The following CCDC6 variants were observed in gnomAD, a reference collection of about 807,000 sequenced individuals.
CCDC6 encodes the protein coiled-coil domain containing 6, also known as coiled-coil domain-containing protein 6.
Under a neutral mutation model 56.6 loss-of-function variants are expected in CCDC6, and 20 were observed. That is an observed-to-expected ratio of 0.35 (90% confidence interval 0.25 to 0.51). The LOEUF (loss-of-function observed/expected upper bound fraction) is 0.51, where lower values mean the gene tolerates loss of function less well. Among genes scored for constraint, CCDC6 ranks in the 20% least tolerant of loss-of-function variants. CCDC6 has a pLI of 0.95. For synonymous variants in CCDC6, 241 were observed against 234.4 expected, an observed-to-expected ratio of 1.03 and a Z score of -0.26; for missense variants, 367 against 601.1, an observed-to-expected ratio of 0.61 and a Z score of 4.07.
At chr10:59,841,279 GCTT>G (rs1329291206) in intron 2 of CCDC6, among the ~76,000 whole-genome samples, 1 of 152,156 alleles carries the variant, frequency 6.6e-6, no homozygotes, top group Non-Finnish European at 1.5e-5. Context: ...TATTTGGCTA[GCTT>G]CTTCTCCCAG....
intron 2 of CCDC6, among the ~76,000 whole-genome samples, chr10:59,843,745 A>C (rs2070963613): frequency 6.6e-6 from 1 of 152,208 alleles, no homozygotes; most frequent in Non-Finnish European, 1.5e-5. Context: ...AAGCACCATA[A>C]GTCTGGGTTT....
intron 6 of CCDC6, chr10:59,806,714 T>G (rs1033703776): frequency 4.3e-6 from 2 of 467,824 alleles, no homozygotes; most frequent in Admixed American, 3.5e-5. Context: ...TTTAGAGAGG[T>G]GATTTTTTTC....
chr10:59,849,601 C>A (rs188990872), intron 2 of CCDC6, among the ~76,000 whole-genome samples: 4 of 152,250 alleles, frequency 2.6e-5, no homozygotes, highest in African/African-American at 9.6e-5. Context: ...GAAATAACAG[C>A]CAAAGCACTC....
At position 59,906,511 on chromosome 10, in the gene CCDC6, A is replaced by G; in HGVS notation, c.-87T>C. 1 of 1,182,334 alleles carries G rather than the reference A, an allele frequency of 8.5e-7. No homozygotes were observed. Among genetic ancestry groups the G allele is most frequent in the East Asian group, 3.0e-5 (1 of 33,844 alleles). 73.2% of individuals were successfully genotyped at this position (1,182,334 alleles called of 1,614,324 possible). A position where few individuals can be genotyped will look rare whatever the true frequency, so the allele number is the denominator to read the frequency against. The stretch of plus-strand genomic sequence containing the variant: ...GCTGCGAATGAGTGGGCGCCGGGCG[A>G]GCACAGGGGAGCGCCGAGCTGAGCG... On this transcript the variant is annotated 5_prime_UTR_variant, in exon 1 of 9. Transcript: ENST00000263102.
chr10:59,804,808 C>T (rs1297914961), intron 6 of CCDC6: 1 of 298,388 alleles, frequency 3.4e-6, no homozygotes, highest in African/African-American at 2.2e-5. Flanking sequence ...CCAGTTTTTC[C>T]TCCATCACAC....
intron 1 of CCDC6, among the ~76,000 whole-genome samples, chr10:59,858,963 C>T (rs376905530): frequency 3.9e-5 from 6 of 152,118 alleles, no homozygotes; most frequent in African/African-American, 1.4e-4. Context: ...CTATATGACC[C>T]TAGCAGAGTC....
At chr10:59,875,644 T>C (rs369586006) in intron 1 of CCDC6, among the ~76,000 whole-genome samples, 30 of 152,198 alleles carry the variant, frequency 2.0e-4, no homozygotes, top group African/African-American at 5.3e-4. Flanking sequence ...TTTAATTCTC[T>C]AGTTACAACA....
rs573291805 is a variant in CCDC6 at position 59,854,096 on chromosome 10, G to T, written c.304-1394C>A. ...GAGCCACATGAATTCCAGGCCTCCA[G>T]AACCTGTTATTTATAATATTCCAAG... On this transcript the variant is annotated intron_variant, in intron 1 of 8. Transcript: ENST00000263102. Among the ~76,000 whole-genome samples the T allele has an allele frequency of 1.1e-3, 172 of 152,184 alleles. 1 individual carries two copies. Among genetic ancestry groups the T allele is most frequent in the African/African-American group, 4.1e-3 (169 of 41,528 alleles).
chr10:59,826,293 C>T (rs149909115), intron 3 of CCDC6, among the ~76,000 whole-genome samples: 6 of 152,300 alleles, frequency 3.9e-5, no homozygotes, highest in South Asian at 2.1e-4. Flanking sequence ...GGCATCTTTA[C>T]TCTATATAGT....
chr10:59,864,617 T>C (rs1048758019), intron 1 of CCDC6, among the ~76,000 whole-genome samples: 1 of 152,154 alleles, frequency 6.6e-6, no homozygotes, highest in Non-Finnish European at 1.5e-5. Context: ...TAACAAACCA[T>C]GCCAAAACTT....
rs536454501 is a variant in CCDC6, at chr10:59,820,203, T to C, written c.583-5448A>G. 4.1e-4 allele frequency among the ~76,000 whole-genome samples: 62 copies of C among 152,290 alleles called. 1 individual carries two copies. The highest frequency in any genetic ancestry group is 1.4e-3 in the African/African-American group (60 of 41,562). ...ATGCTACCACAGTTCTTTCTTACTA[T>C]TGCATTTTTCCATTTAAAGAGGACT... On this transcript the variant is annotated intron_variant, in intron 3 of 8. Transcript: ENST00000263102.
At position 59,792,783 on chromosome 10, in the gene CCDC6, A is replaced by G. The variant is rs1003263128; in HGVS notation, c.*134T>C. On this transcript the variant is annotated 3_prime_UTR_variant, in exon 9 of 9. Transcript: ENST00000263102. ...CATTTCTGACAAACATTTACAACAC[A>G]ATGGATAGTGAAGCCTAGATAACCT... 8 of 929,632 alleles carry G rather than the reference A, an allele frequency of 8.6e-6. No individual in the cohort carries two copies. The highest frequency in any genetic ancestry group is 1.4e-5 in the Non-Finnish European group (8 of 563,730). 57.6% of individuals were successfully genotyped at this position (929,632 alleles called of 1,614,324 possible). A position where few individuals can be genotyped will look rare whatever the true frequency, so the allele number is the denominator to read the frequency against.
At chr10:59,870,908 C>T (rs1215502822) in intron 1 of CCDC6, among the ~76,000 whole-genome samples, 2 of 152,324 alleles carry the variant, frequency 1.3e-5, no homozygotes, top group African/African-American at 2.4e-5. Flanking sequence ...GCACCATGAA[C>T]TGAGCAGCTG....
At chr10:59,811,237 G>A (rs1264612385) in intron 5 of CCDC6, among the ~76,000 whole-genome samples, 1 of 152,166 alleles carries the variant, frequency 6.6e-6, no homozygotes, top group Non-Finnish European at 1.5e-5. Context: ...AGGCTCCAAG[G>A]ATGATACTGA....
chr10:59,876,090 T>TTTTTTTTTG (rs2071277791), intron 1 of CCDC6, among the ~76,000 whole-genome samples: 5 of 145,668 alleles, frequency 3.4e-5, no homozygotes, highest in African/African-American at 5.2e-5. Context: ...TTTTTTTTTT[T>TTTTTTTTTG]TCAGATCGAG....
intron 1 of CCDC6, among the ~76,000 whole-genome samples, chr10:59,897,111 G>T (rs897151658): frequency 6.6e-6 from 1 of 152,030 alleles, no homozygotes. Context: ...AGATTAGTAG[G>T]GCTACTAAAT....
Position 59,906,308 on chromosome 10 carries a change from T to TCCCCCGCCGCCACCGCCG in CCDC6, c.99_116dup (p.Gly39_Gly44dup). On this transcript the variant is annotated inframe_insertion, in exon 1 of 9. Coordinates refer to ENST00000263102, the MANE Select transcript of CCDC6 (RefSeq NM_005436.5). ...CCCCCGACTTCCCACCGCCGCCGCC[T>TCCCCCGCCGCCACCGCCG]CCCCCGCCGCCACCGCCGCCGCCCG... 6.3e-7 allele frequency: 1 copy of TCCCCCGCCGCCACCGCCG among 1,591,752 alleles called. No homozygotes were observed. The highest frequency in any genetic ancestry group is 8.5e-7 in the Non-Finnish European group (1 of 1,175,956).
intron 1 of CCDC6, among the ~76,000 whole-genome samples, chr10:59,872,564 T>C (rs1376157874): frequency 6.6e-6 from 1 of 152,198 alleles, no homozygotes; most frequent in Non-Finnish European, 1.5e-5. Context: ...CTGCTTTAAC[T>C]ATAAGGCTGG....
At chr10:59,844,762 AAGAG>A (rs1554884868) in intron 2 of CCDC6, among the ~76,000 whole-genome samples, 13 of 134,014 alleles carry the variant, frequency 9.7e-5, no homozygotes, top group South Asian at 7.3e-4. Context: ...AAAAAAAAAA[AAGAG>A]AGAGAGAGAG....
Sources: allele counts gnomAD v4.1 joint callset (sites outside exome capture counted in the v4.1 genomes callset), GRCh38; gene constraint gnomAD v4.1.1; transcripts MANE v1.5; gene names NCBI Gene and HGNC (gene_info 2026-07-23, HGNC 2026-07-21).